GLUL: variants seen among roughly 807,000 people sequenced by gnomAD.
GLUL encodes the protein glutamine synthetase.
Under a neutral mutation model 36.9 loss-of-function variants are expected in GLUL, and 8 were observed. The observed-to-expected ratio is 0.22, with a 90% CI of 0.13 to 0.39. The LOEUF is 0.39. Ranked by LOEUF, GLUL falls within the 10% of genes least tolerant of loss-of-function variation. The probability of loss-of-function intolerance (pLI) is 1.00; values close to 1 mark genes in which losing one functional copy is unlikely to be tolerated. For missense variants in GLUL, 315 were observed against 501.8 expected (o/e 0.63, Z 3.56); for synonymous variants, 182 against 172.8 (o/e 1.05, Z -0.42).
chr1:182,388,922 G>A, intron 1 of GLUL, 172 bp from the exon 2 acceptor site: 3 of 634,392 alleles, frequency 4.7e-6, no homozygotes, highest in Admixed American at 4.6e-5. Flanking sequence ...AGGGGGATTA[G>A]TTTTATAGTA....
At chr1:182,387,078 T>G (rs748431581) in intron 3 of GLUL, 53 bp downstream of exon 3, 94 of 1,386,334 alleles carry the variant, frequency 6.8e-5, no homozygotes, top group Non-Finnish European at 9.5e-5. Context: ...CTCCCTCCCC[T>G]TCACAGCATT....
intron 5 of GLUL, 95 bp from the exon 6 acceptor site, chr1:182,385,651 C>T (rs1650143720): frequency 6.4e-7 from 1 of 1,558,702 alleles, no homozygotes; most frequent in East Asian, 2.2e-5. Flanking sequence ...GTACTCCAAC[C>T]CGTTCTTAGG....
At chr1:182,386,139 G>A (rs529984531) in intron 4 of GLUL, 117 bp downstream of exon 4, 33 of 1,071,278 alleles carry the variant, frequency 3.1e-5, no homozygotes, top group African/African-American at 9.3e-5. Context: ...GGGCTGTTTC[G>A]CCTTTACTGT....
chr1:182,388,550 C>CCA, intron 2 of GLUL, 22 bp downstream of exon 2: 1 of 1,609,190 alleles, frequency 6.2e-7, no homozygotes, highest in East Asian at 2.2e-5. Context: ...AGCATGTGCT[C>CCA]CACTCCACAT....
chr1:182,386,740 A>G (rs2101934181), intron 3 of GLUL: 1 of 458,450 alleles, frequency 2.2e-6, no homozygotes, highest in South Asian at 2.1e-5. Context: ...CCCTCTATTC[A>G]CAAGACAGCT....
Position 182,385,520 on chromosome 1 carries a change from T to C in GLUL, c.640A>G (p.Met214Val), listed in dbSNP as rs778299543. The change falls in exon 6 of 7, where the codon ATG (methionine) becomes GTG (valine). Residue 214 changes from methionine (M) to valine (V), a missense_variant. Physicochemically the swap from Met to Val is conservative, Grantham distance 21. Around this residue, in one of 3 missense-constraint regions of GLUL, gnomAD observed 256 missense variants for 396.1 expected, o/e 0.65. Coordinates refer to ENST00000331872, the MANE Select transcript of GLUL (RefSeq NM_001033044.4). ...CGGGCCACCCAGAGATGATCTCCCA[T>C]GCTGATTCCTTCACAAGGTCCAATC... ...FQIGPCEGIS[M>V]GDHLWVARFI... is the part of the protein sequence containing the mutation. The C allele has an allele frequency of 2.5e-6, 4 of 1,614,034 alleles. No homozygotes were observed. The highest frequency in any genetic ancestry group is 1.7e-5 in the Admixed American group (1 of 60,004).
intron 2 of GLUL, 48 bp downstream of exon 2, chr1:182,388,524 T>C: frequency 6.6e-7 from 1 of 1,522,600 alleles, no homozygotes; most frequent in South Asian, 1.1e-5. Flanking sequence ...TGCCCACCCC[T>C]CTGCAGATCC....
chr1:182,391,465 A>C (rs891805888), intron 1 of GLUL: 3 of 371,004 alleles, frequency 8.1e-6, no homozygotes, highest in African/African-American at 2.1e-5. Flanking sequence ...GGCGCGCCCC[A>C]CCAGCGCCAG....
rs973606353 is a variant in GLUL at position 182,378,226 on chromosome 1, C to T, written c.*6179G>A. 6.6e-6 allele frequency among the ~76,000 whole-genome samples: 1 copy of T among 152,138 alleles called. No individual in the cohort carries two copies. The highest frequency in any genetic ancestry group is 1.5e-5 in the Non-Finnish European group (1 of 68,034). On this transcript the variant is annotated 3_prime_UTR_variant, in exon 7 of 7. Coordinates refer to ENST00000331872, the MANE Select transcript of GLUL (RefSeq NM_001033044.4). ...ACTACGCCGTACAGTGGAGGAAACA[C>T]GCTGCAATCTCAAGACAATGCAGGT... is the stretch of plus-strand genomic sequence containing the variant.
At position 182,381,334 on chromosome 1, in the gene GLUL, T is replaced by C. The variant is rs1487700577; in HGVS notation, c.*3071A>G. Among the ~76,000 whole-genome samples the C allele has an allele frequency of 2.0e-5, 3 of 152,218 alleles. No individual in the cohort carries two copies. The highest frequency in any genetic ancestry group is 7.2e-5 in the African/African-American group (3 of 41,454). ...CTTTCAAATTCCCTATAGCTTGTGCTATCAGTTGTTATTTAGTACCTGGCA... is the reference window on the plus strand; with the variant it reads ...CTTTCAAATTCCCTATAGCTTGTGCCATCAGTTGTTATTTAGTACCTGGCA... On this transcript the variant is annotated 3_prime_UTR_variant, in exon 7 of 7. Transcript: ENST00000331872.
At chr1:182,389,700 T>C (rs1263887320) in intron 1 of GLUL, 1 of 152,162 alleles carries the variant, frequency 6.6e-6, no homozygotes, top group Non-Finnish European at 1.5e-5. Context: ...AGAGGAAACA[T>C]TCTCTCTCTC....
In GLUL at chr1:182,379,492, G is replaced by A. The variant is rs6424852; in HGVS notation, c.*4913C>T. Among the ~76,000 whole-genome samples, 38,455 of 151,928 alleles carry A rather than the reference G, an allele frequency of 0.25. 5,097 individuals are homozygous for A. Among genetic ancestry groups the A allele is most frequent in the East Asian group, 0.39 (2,005 of 5,154 alleles). On this transcript the variant is annotated 3_prime_UTR_variant, in exon 7 of 7. Coordinates refer to ENST00000331872, the MANE Select transcript of GLUL (RefSeq NM_001033044.4). Reference sequence around the variant, plus strand: ...CCTGCCTTGGCCTCCCAAAGTGCTAGGATTACAGGCTTGAGCCACCACACC... The same window carrying A: ...CCTGCCTTGGCCTCCCAAAGTGCTAAGATTACAGGCTTGAGCCACCACACC...
In GLUL at chr1:182,385,911, A is replaced by G. The variant is rs2296519; in HGVS notation, c.476-24T>C. On this transcript the variant is annotated intron_variant, in intron 4 of 6. Coordinates refer to ENST00000331872, the MANE Select transcript of GLUL (RefSeq NM_001033044.4). ...ACCTACAGAAGCATCAGGACAAAACACTAAGAGTCAAGAAATCCAGAGAAT... is the reference window on the plus strand; with the variant it reads ...ACCTACAGAAGCATCAGGACAAAACGCTAAGAGTCAAGAAATCCAGAGAAT... 0.53 allele frequency: 855,115 copies of G among 1,607,700 alleles called. 232,958 individuals carry two copies. The highest frequency in any genetic ancestry group is 0.8 in the East Asian group (35,924 of 44,808).
At chr1:182,388,935 C>CA (rs148868938) in intron 1 of GLUL, 185 bp from the exon 2 acceptor site, 6,894 of 598,466 alleles carry the variant, frequency 0.012, 67 homozygotes, top group Middle Eastern at 0.037. Context: ...TTATAGTAGG[C>CA]AAAAATCTCC....
At chr1:182,387,480 T>C (rs529028044) in intron 2 of GLUL, among the ~76,000 whole-genome samples, 188 bp from the exon 3 acceptor site, 38 of 152,310 alleles carry the variant, frequency 2.5e-4, no homozygotes, top group African/African-American at 8.7e-4. Context: ...CCCTTCCTAT[T>C]TGAGTTCCAA....
chr1:182,385,375 C>T lies in GLUL; in HGVS notation c.785G>A (p.Arg262Gln), dbSNP rs753946480. Residue 262 changes from arginine (R) to glutamine (Q), a missense_variant, in exon 6 of 7, where the codon CGG becomes CAG. Physicochemically the swap from Arg to Gln is conservative, Grantham distance 43. Around this residue, in one of 3 missense-constraint regions of GLUL, gnomAD observed 256 missense variants for 396.1 expected, o/e 0.65. Transcript: ENST00000331872. ...CHTNFSTKAM[R>Q]EENGLKYIEE... ...TACTCACTTCAGACCATTCTCCTCC[C>T]GCATGGCCTTGGTGCTGAAGTTGGT... The T allele has an allele frequency of 1.9e-6, 3 of 1,613,256 alleles. No individual in the cohort carries two copies. Among genetic ancestry groups the T allele is most frequent in the South Asian group, 2.2e-5 (2 of 91,054 alleles).
intron 3 of GLUL, chr1:182,386,784 A>T (rs1392613311): frequency 4.4e-6 from 2 of 453,350 alleles, no homozygotes; most frequent in Non-Finnish European, 8.1e-6. Flanking sequence ...TTCATTTCTC[A>T]GGCACTTGGA....
chr1:182,387,007 C>CAA, intron 3 of GLUL, 124 bp downstream of exon 3: 1 of 799,398 alleles, frequency 1.3e-6, no homozygotes, highest in South Asian at 1.4e-5. Flanking sequence ...AAGAATCACT[C>CAA]AGATTCTTAA....
chr1:182,378,782 AT>A lies in GLUL; in HGVS notation c.*5622del, dbSNP rs548954368. ...TCTGCATATTGTAAAATGAAATAGA[AT>A]TTTTTTTTTCTTGAGATGGAGTCAC... On this transcript the variant is annotated 3_prime_UTR_variant, in exon 7 of 7. Coordinates refer to ENST00000331872, the MANE Select transcript of GLUL (RefSeq NM_001033044.4). Among the ~76,000 whole-genome samples the A allele has an allele frequency of 1.5e-3, 223 of 151,040 alleles. No individual in the cohort carries two copies. The highest frequency in any genetic ancestry group is 2.4e-3 in the Non-Finnish European group (161 of 67,664).
Sources: allele counts gnomAD v4.1 joint callset (sites outside exome capture counted in the v4.1 genomes callset), GRCh38; gene constraint gnomAD v4.1.1; regional missense constraint gnomAD v4.1.1; transcripts MANE v1.5; gene names NCBI Gene and HGNC (gene_info 2026-07-23, HGNC 2026-07-21).